The following ERG variants were observed in gnomAD, a reference collection of about 807,000 sequenced individuals.
ERG encodes the protein transcriptional regulator ERG.
A neutral mutation model predicts 55.3 loss-of-function variants in ERG; 9 were observed. That is an observed-to-expected ratio of 0.16 (90% CI 0.10 to 0.28). The LOEUF (loss-of-function observed/expected upper bound fraction) is 0.28, where lower values mean the gene tolerates loss of function less well. Ranked by LOEUF, ERG falls within the 10% of genes least tolerant of loss-of-function variation. The pLI, the probability that ERG is intolerant of heterozygous loss-of-function variation, is 1.00. For synonymous variants in ERG, 223 were observed against 237.3 expected (o/e 0.94, Z 0.55); for missense variants, 434 against 631.6 (o/e 0.69, Z 3.35).
chr21:38,496,514 A>T (rs2059380873), intron 1 of ERG, among the ~76,000 whole-genome samples: 1 of 152,210 alleles, frequency 6.6e-6, no homozygotes, highest in Non-Finnish European at 1.5e-5. Context: ...ACATGTCTTA[A>T]AGGAAGTCAC....
At chr21:38,480,242 TG>T (rs1488786062) in intron 1 of ERG, among the ~76,000 whole-genome samples, 1 of 152,128 alleles carries the variant, frequency 6.6e-6, no homozygotes, top group Non-Finnish European at 1.5e-5. Context: ...TTTCTAGAAA[TG>T]GCCATCTAAT....
intron 1 of ERG, among the ~76,000 whole-genome samples, chr21:38,464,893 C>A (rs2059074945): frequency 6.6e-6 from 1 of 152,176 alleles, no homozygotes; most frequent in Non-Finnish European, 1.5e-5. Flanking sequence ...AGGACATGAA[C>A]TCATCCTTTT....
chr21:38,529,578 A>T (rs1274752525), intron 2 of ERG, among the ~76,000 whole-genome samples: 1 of 152,230 alleles, frequency 6.6e-6, no homozygotes, highest in Non-Finnish European at 1.5e-5. Flanking sequence ...TTTCTTAGAG[A>T]GAAGCCACGT....
chr21:38,383,506 A>T lies in ERG; in HGVS notation c.1337T>A (p.Phe446Tyr). The T allele has an allele frequency of 6.4e-7, 1 of 1,557,772 alleles. No individual in the cohort carries two copies. Among genetic ancestry groups the T allele is most frequent in the East Asian group, 2.3e-5 (1 of 44,332 alleles). ...PALPVTSSSF[F>Y]AAPNPYWNSP... ...ATTCCAGTATGGGTTTGGGGCAGCA[A>T]AAAAACTGGAAGATGTCACGGGGAG... Residue 446 changes from phenylalanine to tyrosine, a missense_variant, in exon 10 of 10, where the codon TTT (phenylalanine) becomes TAT (tyrosine). Phe to Tyr is a conservative substitution (Grantham distance 22, BLOSUM62 3). Transcript: ENST00000288319. This position sits in a 1 kb window ranked among gnomAD's most constrained non-coding sequence, Gnocchi z 5.7.
intron 1 of ERG, among the ~76,000 whole-genome samples, chr21:38,479,730 A>G (rs2059220096): frequency 6.6e-6 from 1 of 151,302 alleles, no homozygotes; most frequent in Admixed American, 6.6e-5. Flanking sequence ...CCACAAATGC[A>G]ATACCTTTTC....
At chr21:38,518,658 A>G (rs943980094) in intron 2 of ERG, among the ~76,000 whole-genome samples, 8 of 152,184 alleles carry the variant, frequency 5.3e-5, no homozygotes, top group Non-Finnish European at 1.0e-4. Context: ...TCTAAATATG[A>G]CAAGCAAAAA....
At chr21:38,456,427 T>C (rs952414201) in intron 1 of ERG, among the ~76,000 whole-genome samples, 1 of 152,110 alleles carries the variant, frequency 6.6e-6, no homozygotes, top group African/African-American at 2.4e-5. Context: ...ACTTCAATAA[T>C]AATAATAAAT....
At position 38,498,464 on chromosome 21, in the gene ERG, T is replaced by C. The variant is rs2059397531; in HGVS notation, c.-84A>G. Reference sequence around the variant, plus strand: ...GACCAGAAAGTAGTTTTGATGAGGTTGTTTAGAGCGGATGAGATTGTGCTA... The same window carrying C: ...GACCAGAAAGTAGTTTTGATGAGGTCGTTTAGAGCGGATGAGATTGTGCTA... On this transcript the variant is annotated 5_prime_UTR_variant, in exon 1 of 10. Transcript: ENST00000288319. This position sits in a 1 kb window ranked among gnomAD's most constrained non-coding sequence, Gnocchi z 4.6. 1.3e-6 allele frequency: 2 copies of C among 1,567,128 alleles called. No individual in the cohort carries two copies. Among genetic ancestry groups the C allele is most frequent in the Non-Finnish European group, 1.7e-6 (2 of 1,158,400 alleles).
chr21:38,575,211 G>C (rs78795360), intron 2 of ERG, among the ~76,000 whole-genome samples: 2 of 152,124 alleles, frequency 1.3e-5, no homozygotes, highest in Non-Finnish European at 2.9e-5. Context: ...TCTCCTGCTC[G>C]CTAACCCCAG....
chr21:38,572,018 T>C (rs1192066414), intron 2 of ERG, among the ~76,000 whole-genome samples: 2 of 152,098 alleles, frequency 1.3e-5, no homozygotes, highest in Non-Finnish European at 2.9e-5. Context: ...TCTTCCACTA[T>C]ATATGTTAAT....
upstream of ERG, among the ~76,000 whole-genome samples, chr21:38,585,507 C>G (rs2060056883): frequency 6.9e-6 from 1 of 144,182 alleles, no homozygotes; most frequent in Admixed American, 7.1e-5. Flanking sequence ...TAGCACGGCT[C>G]CAAAATCCAG....
chr21:38,659,548 A>AAT lies in ERG; in HGVS notation c.-150+2108_-150+2109dup, dbSNP rs1368942437. 2.0e-5 allele frequency among the ~76,000 whole-genome samples: 3 copies of AAT among 152,260 alleles called. No homozygotes were observed. The East Asian group carries it at 5.8e-4, about 29-fold the overall frequency. ...ACAGTCAAAAATAGTCCCAAAGGTA[A>AAT]ATAAACTCTGTGTCCTATGTATGTC... On this transcript the variant is annotated intron_variant, in intron 1 of 10. Transcript: ENST00000398910.
At chr21:38,631,518 G>A in intron 1 of ERG, among the ~76,000 whole-genome samples, 1 of 152,256 alleles carries the variant, frequency 6.6e-6, no homozygotes, top group East Asian at 1.9e-4. Context: ...CTAACAGCCT[G>A]GGAAGATTTT....
chr21:38,612,663 CT>C (rs869196064), intron 1 of ERG, among the ~76,000 whole-genome samples: 3,171 of 137,858 alleles, frequency 0.023, 61 homozygotes, highest in African/African-American at 0.074. Context: ...TTGACATTTC[CT>C]TTTTTTTTTT....
At chr21:38,605,972 T>A (rs1398114764) in intron 1 of ERG, among the ~76,000 whole-genome samples, 2 of 151,888 alleles carry the variant, frequency 1.3e-5, no homozygotes, top group Non-Finnish European at 2.9e-5. Context: ...GGTAGGTAGA[T>A]AGGTAGGTAG....
At chr21:38,455,880 C>T (rs2058984532) in intron 1 of ERG, among the ~76,000 whole-genome samples, 1 of 151,384 alleles carries the variant, frequency 6.6e-6, no homozygotes, top group Non-Finnish European at 1.5e-5. Context: ...CCCCCCCTCC[C>T]CACAGACAGG....
At chr21:38,613,750 T>G (rs1311527736) in intron 1 of ERG, among the ~76,000 whole-genome samples, 1 of 152,126 alleles carries the variant, frequency 6.6e-6, no homozygotes, top group South Asian at 2.1e-4. Flanking sequence ...CTCATCACGA[T>G]GGGTAAAGAA....
At chr21:38,474,303 C>T (rs762607880) in intron 1 of ERG, among the ~76,000 whole-genome samples, 84 of 151,834 alleles carry the variant, frequency 5.5e-4, no homozygotes, top group Non-Finnish European at 6.9e-4. Flanking sequence ...TGGGAGGTCA[C>T]ATGGAGACTG....
chr21:38,394,070 G>A (rs558983991), intron 6 of ERG, among the ~76,000 whole-genome samples: 1 of 152,270 alleles, frequency 6.6e-6, no homozygotes, highest in East Asian at 1.9e-4. Context: ...AAACTGGACA[G>A]CCAGAGTTTC....
Sources: allele counts gnomAD v4.1 joint callset (sites outside exome capture counted in the v4.1 genomes callset), GRCh38; gene constraint gnomAD v4.1.1; non-coding constraint Gnocchi (gnomAD v3.1); transcripts MANE v1.5; gene names NCBI Gene and HGNC (gene_info 2026-07-23, HGNC 2026-07-21).